The following DNAJC25 variants were observed in gnomAD, a reference collection of about 807,000 sequenced individuals.
DNAJC25 encodes the protein dnaJ homolog subfamily C member 25.
Under a neutral mutation model 42.1 loss-of-function variants are expected in DNAJC25, and 26 were observed. The ratio of observed to expected loss-of-function variants is 0.62; its 90% CI spans 0.45 to 0.86. The LOEUF (loss-of-function observed/expected upper bound fraction) is 0.86. Ranked by LOEUF, DNAJC25 falls within the 40% of genes least tolerant of loss-of-function variation. DNAJC25 has a pLI of 0.00. For synonymous variants in DNAJC25, 189 were observed against 179.9 expected (o/e 1.05, Z -0.40); for missense variants, 404 against 459.4 (o/e 0.88, Z 1.10).
chr9:111,636,752 T>C (rs1830368028), intron 1 of DNAJC25, among the ~76,000 whole-genome samples: 1 of 152,216 alleles, frequency 6.6e-6, no homozygotes, highest in South Asian at 2.1e-4. Context: ...AACAAAACTC[T>C]TACCTTTTAA....
At chr9:111,641,506 G>C in intron 1 of DNAJC25, among the ~76,000 whole-genome samples, 1 of 83,252 alleles carries the variant, frequency 1.2e-5, no homozygotes. Context: ...TGCCCGGCCA[G>C]CCGCCCGGTC....
At chr9:111,634,180 T>C (rs1310624621) in intron 1 of DNAJC25, among the ~76,000 whole-genome samples, 4 of 152,218 alleles carry the variant, frequency 2.6e-5, no homozygotes, top group African/African-American at 9.7e-5. Flanking sequence ...TTTATGGAGA[T>C]GAACATATAT....
chr9:111,639,936 CTCCG>C (rs1238653802), intron 1 of DNAJC25, among the ~76,000 whole-genome samples: 15,680 of 138,772 alleles, frequency 0.11, 968 homozygotes, highest in East Asian at 0.33. Context: ...CCCTCTCCGT[CTCCG>C]TCTCCGTCTC....
chr9:111,648,899 C>G (rs566546868), intron 2 of DNAJC25, among the ~76,000 whole-genome samples: 6 of 152,190 alleles, frequency 3.9e-5, no homozygotes, highest in African/African-American at 1.4e-4. Context: ...GTTCTCCTGT[C>G]CAAATAGGTA....
At position 111,631,358 on chromosome 9, in the gene DNAJC25, C is replaced by G. The variant is rs1213322642; in HGVS notation, c.-50C>G. On this transcript the variant is annotated 5_prime_UTR_variant, in exon 1 of 4. Coordinates refer to ENST00000313525, the MANE Select transcript of DNAJC25 (RefSeq NM_001015882.3). ...CAGACGGGACTAGCCGGGCGCGCGG[C>G]TGAGTGCTGCAGAATCGCTGGGGTG... 1.6e-6 allele frequency: 2 copies of G among 1,256,840 alleles called. No homozygotes were observed. Among genetic ancestry groups the G allele is most frequent in the Non-Finnish European group, 2.0e-6 (2 of 1,004,358 alleles). The allele number at this position is 1,256,840 out of a possible 1,614,324, so 77.9% of individuals were successfully genotyped here.
intron 1 of DNAJC25, among the ~76,000 whole-genome samples, chr9:111,640,835 G>T (rs7034350): frequency 1.1e-3 from 130 of 121,992 alleles, no homozygotes; most frequent in African/African-American, 4.2e-3. Context: ...GGAGGGAGGT[G>T]GGGGGGGCCA....
chr9:111,638,996 A>G (rs1041503738), intron 1 of DNAJC25, among the ~76,000 whole-genome samples: 1 of 151,998 alleles, frequency 6.6e-6, no homozygotes, highest in Non-Finnish European at 1.5e-5. Flanking sequence ...TGATACTTTT[A>G]TACCCTTAAC....
intron 1 of DNAJC25, among the ~76,000 whole-genome samples, chr9:111,635,826 A>G (rs1194731159): frequency 6.6e-6 from 1 of 152,218 alleles, no homozygotes; most frequent in Non-Finnish European, 1.5e-5. Context: ...TTACAACAAC[A>G]CTTCAGTTTC....
chr9:111,632,790 C>T (rs769288965), intron 1 of DNAJC25, among the ~76,000 whole-genome samples: 55 of 151,764 alleles, frequency 3.6e-4, no homozygotes, highest in Non-Finnish European at 7.2e-4. Context: ...GATTGTTCCT[C>T]CAGATTGTTT....
chr9:111,652,529 A>G (rs886384186), intron 3 of DNAJC25, among the ~76,000 whole-genome samples: 2 of 148,608 alleles, frequency 1.3e-5, no homozygotes, highest in African/African-American at 4.9e-5. Context: ...AAAAAAAAAA[A>G]AAAAGTACTA....
Position 111,653,649 on chromosome 9 carries a change from G to C in DNAJC25, c.*427G>C, listed in dbSNP as rs1830699510. The C allele has an allele frequency of 6.6e-6, 1 of 152,330 alleles. No individual in the cohort carries two copies. The highest frequency in any genetic ancestry group is 1.5e-5 in the Non-Finnish European group (1 of 68,162). 9.4% of individuals were successfully genotyped at this position (152,330 alleles called of 1,614,324 possible). A position where few individuals can be genotyped will look rare whatever the true frequency, so the allele number is the denominator to read the frequency against. ...GTATTTTCACAAAACACCAAAAACA[G>C]CATTTAATTATATTATCATGAGTGT... On this transcript the variant is annotated 3_prime_UTR_variant, in exon 4 of 4. Coordinates refer to ENST00000313525, the MANE Select transcript of DNAJC25 (RefSeq NM_001015882.3).
intron 1 of DNAJC25, among the ~76,000 whole-genome samples, chr9:111,643,366 A>G: frequency 6.6e-6 from 1 of 152,338 alleles, no homozygotes; most frequent in South Asian, 2.1e-4. Flanking sequence ...ACTTTCCAGA[A>G]CTTCTCATTC....
chr9:111,638,720 T>C (rs1830400869), intron 1 of DNAJC25, among the ~76,000 whole-genome samples: 1 of 152,182 alleles, frequency 6.6e-6, no homozygotes, highest in South Asian at 2.1e-4. Context: ...TCTTAGCTGC[T>C]AAAATCTGTT....
chr9:111,650,827 G>GT lies in DNAJC25; in HGVS notation c.960+911dup, dbSNP rs537082560. ...TGCTTAAGAAGTCTGAGATACATTAGTTTTTTTAGTTTCATAGTCATTTCA... is the reference window on the plus strand; with the variant it reads ...TGCTTAAGAAGTCTGAGATACATTAGTTTTTTTTAGTTTCATAGTCATTTCA... On this transcript the variant is annotated intron_variant, in intron 3 of 3. Transcript: ENST00000313525. 1.1e-3 allele frequency among the ~76,000 whole-genome samples: 169 copies of GT among 152,106 alleles called. No homozygotes were observed. The East Asian group carries it at 0.014, about 13-fold the overall frequency.
intron 2 of DNAJC25, among the ~76,000 whole-genome samples, 162 bp from the exon 3 acceptor site, chr9:111,649,291 G>A (rs896785004): frequency 6.6e-5 from 10 of 151,912 alleles, no homozygotes; most frequent in South Asian, 2.1e-4. Context: ...CATGGGCTTC[G>A]TTCAGTTGTG....
chr9:111,631,520 C>G lies in DNAJC25; in HGVS notation c.113C>G (p.Ala38Gly). The stretch of plus-strand genomic sequence containing the variant: ...CTGCTGCTGGTGCGGCCCGCGGGGG[C>G]CCTGGTGGAGGGGCTCTACTGCGGC... ...PALLLVRPAG[A>G]LVEGLYCGTR... The change falls in exon 1 of 4, where the codon GCC (alanine) becomes GGC (glycine). Residue 38 changes from alanine to glycine, a missense_variant. Physicochemically the swap from Ala to Gly is moderately conservative, Grantham distance 60 (BLOSUM62 0). Transcript: ENST00000313525. 1 of 1,336,262 alleles carries G rather than the reference C, an allele frequency of 7.5e-7. No individual in the cohort carries two copies. The highest frequency in any genetic ancestry group is 9.5e-7 in the Non-Finnish European group (1 of 1,049,726). 82.8% of individuals were successfully genotyped at this position (1,336,262 alleles called of 1,614,324 possible).
chr9:111,631,508 G>A lies in DNAJC25; in HGVS notation c.101G>A (p.Arg34Gln). The change falls in exon 1 of 4, where the codon CGG becomes CAG. Residue 34 changes from arginine (R) to glutamine (Q), a missense_variant. Transcript: ENST00000313525. ...APLLPALLLV[R>Q]PAGALVEGLY... ...CTGCTGCCGGCGCTGCTGCTGGTGC[G>A]GCCCGCGGGGGCCCTGGTGGAGGGG... The A allele has an allele frequency of 7.5e-7, 1 of 1,330,158 alleles. No homozygotes were observed. The highest frequency in any genetic ancestry group is 2.0e-5 in the South Asian group (1 of 48,952). 82.4% of individuals were successfully genotyped at this position (1,330,158 alleles called of 1,614,324 possible). A position where few individuals can be genotyped will look rare whatever the true frequency, so the allele number is the denominator to read the frequency against.
At chr9:111,647,735 G>A (rs1771333926) in intron 2 of DNAJC25, among the ~76,000 whole-genome samples, 1 of 152,180 alleles carries the variant, frequency 6.6e-6, no homozygotes, top group Admixed American at 6.5e-5. Flanking sequence ...CTTCTGCTCA[G>A]GTTGAAAACC....
intron 1 of DNAJC25, among the ~76,000 whole-genome samples, chr9:111,640,350 C>A (rs1830433603): frequency 6.8e-6 from 1 of 146,058 alleles, no homozygotes; most frequent in Non-Finnish European, 1.5e-5. Context: ...GCCGCCACCC[C>A]GTCTGGGAAG....
Sources: gnomAD v4.1 joint callset for allele counts (sites outside exome capture counted in the v4.1 genomes callset) on GRCh38, gnomAD v4.1.1 for gene constraint, MANE v1.5 for transcripts, NCBI Gene and HGNC (gene_info 2026-07-23, HGNC 2026-07-21) for gene names.